OPCML: variants seen among roughly 807,000 people sequenced by gnomAD.
OPCML encodes opioid-binding protein/cell adhesion molecule.
OPCML carries 13 observed loss-of-function variants against 37.8 expected under a neutral mutation model. That is an observed-to-expected ratio of 0.34 (90% confidence interval 0.22 to 0.55). OPCML has a LOEUF of 0.55. Among genes scored for constraint, OPCML ranks in the 20% least tolerant of loss-of-function variants. The probability of loss-of-function intolerance (pLI) is 0.91; values close to 1 mark genes in which losing one functional copy is unlikely to be tolerated. For missense variants in OPCML, 341 were observed against 435.6 expected (o/e 0.78, Z 1.93); for synonymous variants, 176 against 168.8 (o/e 1.04, Z -0.33).
At chr11:132,505,412 T>TA (rs924613280) in intron 4 of OPCML, among the ~76,000 whole-genome samples, 1 of 152,186 alleles carries the variant, frequency 6.6e-6, no homozygotes, top group Non-Finnish European at 1.5e-5. Context: ...CATATCACAA[T>TA]AAAAAAATCG....
chr11:132,738,217 C>T (rs1375310393), intron 2 of OPCML, among the ~76,000 whole-genome samples: 1 of 152,192 alleles, frequency 6.6e-6, no homozygotes, highest in Non-Finnish European at 1.5e-5. Context: ...ACTAGTGAAG[C>T]CAGGATCCAA....
At chr11:133,101,572 T>C (rs1213584023) in intron 1 of OPCML, among the ~76,000 whole-genome samples, 1 of 152,158 alleles carries the variant, frequency 6.6e-6, no homozygotes, top group African/African-American at 2.4e-5. Context: ...TATCAAATGT[T>C]GATGAGGATG....
At chr11:133,076,708 G>GTCA (rs10676415) in intron 1 of OPCML, among the ~76,000 whole-genome samples, 50,525 of 151,024 alleles carry the variant, frequency 0.33, 8,893 homozygotes, top group South Asian at 0.48. Context: ...CCTCATCATT[G>GTCA]TCATCATCAT....
At chr11:133,518,618 T>G (rs113813569) in intron 1 of OPCML, among the ~76,000 whole-genome samples, 30,539 of 147,562 alleles carry the variant, frequency 0.21, 3,700 homozygotes, top group Admixed American at 0.32. Flanking sequence ...GGCTGTGGCG[T>G]GGGCAGTGGC....
rs777647089 is a variant in OPCML at position 132,657,308 on chromosome 11, T to C, written c.158A>G (p.Asp53Gly). 1 of 1,614,118 alleles carries C rather than the reference T, an allele frequency of 6.2e-7. No individual in the cohort carries two copies. The highest frequency in any genetic ancestry group is 1.7e-5 in the Admixed American group (1 of 60,024). Residue 53 changes from aspartate (D) to glycine (G), a missense_variant, in exon 3 of 8, where the codon GAT becomes GGT. Coordinates refer to ENST00000524381, the MANE Select transcript of OPCML (RefSeq NM_001012393.5). ...CCAGGCCACCCGGGTTACCCGGTCA[T>C]CTATGGTACACCTGCAGTGAGGCAG... ...GESATLRCTI[D>G]DRVTRVAWLN...
At chr11:133,452,293 C>G (rs1267408491) in intron 1 of OPCML, among the ~76,000 whole-genome samples, 1 of 138,266 alleles carries the variant, frequency 7.2e-6, no homozygotes. Context: ...ACTTTAAAAT[C>G]TATTAAAATG....
rs376797938 is a variant in OPCML, at chr11:133,466,330, G to C, written c.61+65934C>G. On this transcript the variant is annotated intron_variant, in intron 1 of 7. Coordinates refer to ENST00000524381, the MANE Select transcript of OPCML (RefSeq NM_001012393.5). ...AAATGAAAATCAAAAGATTACTCTG[G>C]ATCAGTGGCTAAGTAATGGGTACAG... is the stretch of plus-strand genomic sequence containing the variant. Among the ~76,000 whole-genome samples the C allele has an allele frequency of 7.2e-5, 11 of 152,302 alleles. No homozygotes were observed. In the East Asian group the frequency reaches 2.1e-3, roughly 29 times the overall value.
At chr11:133,111,659 A>T (rs1592011431) in intron 1 of OPCML, among the ~76,000 whole-genome samples, 1 of 152,212 alleles carries the variant, frequency 6.6e-6, no homozygotes, top group Non-Finnish European at 1.5e-5. Flanking sequence ...CCAACTGCCT[A>T]GGAAAACAAT....
intron 2 of OPCML, among the ~76,000 whole-genome samples, chr11:132,764,642 G>C (rs1455845819): frequency 6.6e-6 from 1 of 152,176 alleles, no homozygotes; most frequent in Non-Finnish European, 1.5e-5. Context: ...TCAGGAGATA[G>C]AAGTATTTTC....
At chr11:132,926,944 ATTT>A (rs905187837) in intron 2 of OPCML, among the ~76,000 whole-genome samples, 4 of 152,262 alleles carry the variant, frequency 2.6e-5, no homozygotes, top group South Asian at 2.1e-4. Flanking sequence ...AATACATCAG[ATTT>A]GAACAAGCAG....
intron 2 of OPCML, among the ~76,000 whole-genome samples, chr11:132,867,526 TAGAC>T (rs1393941727): frequency 1.3e-5 from 2 of 152,214 alleles, no homozygotes; most frequent in African/African-American, 2.4e-5. Context: ...TCAGGAAAAG[TAGAC>T]TGTCAGACAC....
chr11:132,815,783 A>C (rs1380247885), intron 2 of OPCML, among the ~76,000 whole-genome samples: 1 of 152,214 alleles, frequency 6.6e-6, no homozygotes, highest in Non-Finnish European at 1.5e-5. Flanking sequence ...TTGTGACAAA[A>C]TTTATTAAAG....
chr11:132,473,374 TGA>T (rs1005102243), intron 4 of OPCML, among the ~76,000 whole-genome samples: 2 of 152,192 alleles, frequency 1.3e-5, no homozygotes, highest in Non-Finnish European at 2.9e-5. Context: ...AATCTGTAAG[TGA>T]GGCAGCCCTA....
intron 2 of OPCML, among the ~76,000 whole-genome samples, chr11:132,713,934 C>T (rs1944367576): frequency 6.6e-6 from 1 of 152,148 alleles, no homozygotes; most frequent in African/African-American, 2.4e-5. Flanking sequence ...CAAAAATTAT[C>T]ATTAAAGTGT....
In OPCML at chr11:133,028,131, T is replaced by A. The variant is rs565487717; in HGVS notation, c.62-85121A>T. On this transcript the variant is annotated intron_variant, in intron 1 of 7. Transcript: ENST00000524381. ...TCTCAACCAGTAACCTTTATTTTTA[T>A]TTCTTTCTTTTTATTTTCTGCCACT... Among the ~76,000 whole-genome samples, 23 of 152,284 alleles carry A rather than the reference T, an allele frequency of 1.5e-4. No individual in the cohort carries two copies. The South Asian group carries it at 4.8e-3, about 32-fold the overall frequency.
chr11:133,030,334 A>G (rs1463495999), intron 1 of OPCML, among the ~76,000 whole-genome samples: 1 of 152,196 alleles, frequency 6.6e-6, no homozygotes, highest in Non-Finnish European at 1.5e-5. Context: ...CTCCTGCCAC[A>G]TGCTCACAAA....
intron 1 of OPCML, among the ~76,000 whole-genome samples, chr11:133,440,312 T>A (rs1444054068): frequency 6.6e-6 from 1 of 151,190 alleles, no homozygotes; most frequent in East Asian, 2.0e-4. Flanking sequence ...GGCAGGAGAA[T>A]TGCTTGAACC....
intron 1 of OPCML, among the ~76,000 whole-genome samples, chr11:133,143,691 A>G (rs796452784): frequency 2.0e-5 from 3 of 152,262 alleles, no homozygotes; most frequent in African/African-American, 7.2e-5. Flanking sequence ...GGATGATGCC[A>G]TTTTCCTTGT....
intron 1 of OPCML, among the ~76,000 whole-genome samples, chr11:133,015,455 TGAAGGAAG>T (rs1228955578): frequency 1.5e-5 from 1 of 65,972 alleles, no homozygotes; most frequent in African/African-American, 6.3e-5. Flanking sequence ...AAGGAAGGAA[TGAAGGAAG>T]GAAGGAAGGA....
Sources: allele counts gnomAD v4.1 joint callset (sites outside exome capture counted in the v4.1 genomes callset), GRCh38; gene constraint gnomAD v4.1.1; transcripts MANE v1.5; gene names NCBI Gene and HGNC (gene_info 2026-07-23, HGNC 2026-07-21).